The following DTNA variants were observed in gnomAD, a reference collection of about 807,000 sequenced individuals.
DTNA encodes the protein dystrophin-related protein 3.
A neutral mutation model predicts 100.7 loss-of-function variants in DTNA; 43 were observed. The observed-to-expected ratio is 0.43, with a 90% CI of 0.33 to 0.55. The LOEUF (loss-of-function observed/expected upper bound fraction) is 0.55, where lower values mean the gene tolerates loss of function less well. Ranked by LOEUF, DTNA falls within the 20% of genes least tolerant of loss-of-function variation. DTNA has a pLI of 0.04. For missense variants in DTNA, 798 were observed against 953.9 expected (o/e 0.84, Z 2.15); for synonymous variants, 349 against 347.9 (o/e 1.00, Z -0.04).
chr18:34,672,291 G>A (rs932511397), intron 1 of DTNA, among the ~76,000 whole-genome samples: 4 of 152,056 alleles, frequency 2.6e-5, no homozygotes, highest in Non-Finnish European at 5.9e-5. Context: ...AAGAAAACCT[G>A]AGATACTTAG....
At chr18:34,718,898 T>C (rs2084644931) in intron 1 of DTNA, among the ~76,000 whole-genome samples, 1 of 152,228 alleles carries the variant, frequency 6.6e-6, no homozygotes. Flanking sequence ...GAGAGTTCCA[T>C]GAGTTCTCGG....
At chr18:34,557,788 C>T (rs1211402125) in intron 1 of DTNA, among the ~76,000 whole-genome samples, 2 of 151,984 alleles carry the variant, frequency 1.3e-5, no homozygotes, top group Non-Finnish European at 2.9e-5. Flanking sequence ...CAGACAGGGA[C>T]ATTTAAGTCT....
At chr18:34,791,707 G>T (rs141555247) in intron 3 of DTNA, among the ~76,000 whole-genome samples, 2 of 152,224 alleles carry the variant, frequency 1.3e-5, no homozygotes, top group East Asian at 3.9e-4. Context: ...ATTTTAGTTG[G>T]TATGTGATTT....
chr18:34,890,698 G>C lies in DTNA; in HGVS notation c.*2964G>C, dbSNP rs2096960545. 1.8e-6 allele frequency: 1 copy of C among 565,958 alleles called. No homozygotes were observed. The highest frequency in any genetic ancestry group is 3.0e-6 in the Non-Finnish European group (1 of 330,036). 35.1% of individuals were successfully genotyped at this position (565,958 alleles called of 1,614,324 possible). A position where few individuals can be genotyped will look rare whatever the true frequency, so the allele number is the denominator to read the frequency against. On this transcript the variant is annotated 3_prime_UTR_variant, in exon 23 of 23. Transcript: ENST00000444659. ...CAGGACGGAAGTTGGGGTAAGTTTG[G>C]TTGGTCAGAGGGAGTTGTGCTGGAG...
chr18:34,786,150 G>T (rs976383958), intron 3 of DTNA, among the ~76,000 whole-genome samples: 1 of 152,274 alleles, frequency 6.6e-6, no homozygotes, highest in Admixed American at 6.5e-5. Flanking sequence ...GAGAGTTGTC[G>T]TAGGAACAAG....
intron 1 of DTNA, among the ~76,000 whole-genome samples, chr18:34,631,824 A>T (rs940192974): frequency 6.6e-6 from 1 of 152,174 alleles, no homozygotes; most frequent in Admixed American, 6.5e-5. Flanking sequence ...ATCACCCAAG[A>T]GTCACTGTGC....
chr18:34,655,401 A>G (rs1404421444), intron 1 of DTNA, among the ~76,000 whole-genome samples: 1 of 152,210 alleles, frequency 6.6e-6, no homozygotes, highest in Non-Finnish European at 1.5e-5. Flanking sequence ...AAAGATGCTA[A>G]GAATCCTACT....
intron 1 of DTNA, among the ~76,000 whole-genome samples, chr18:34,529,817 C>G (rs2042974413): frequency 6.6e-6 from 1 of 152,054 alleles, no homozygotes; most frequent in Non-Finnish European, 1.5e-5. Flanking sequence ...TCATGATTCT[C>G]TGGAAGTCTG....
At chr18:34,574,647 A>G (rs2047937135) in intron 1 of DTNA, 2 of 152,112 alleles carry the variant, frequency 1.3e-5, no homozygotes. Flanking sequence ...TATTATTATT[A>G]TTATTTTAAC....
At chr18:34,807,886 A>G (rs546182746) in intron 5 of DTNA, among the ~76,000 whole-genome samples, 170 of 151,144 alleles carry the variant, frequency 1.1e-3, no homozygotes, top group Non-Finnish European at 1.9e-3. Flanking sequence ...AAGAAAAAAA[A>G]AAAGCTTCAG....
chr18:34,871,987 A>G (rs1397165393), intron 17 of DTNA, among the ~76,000 whole-genome samples: 1 of 152,250 alleles, frequency 6.6e-6, no homozygotes, highest in Non-Finnish European at 1.5e-5. Context: ...AATTGCACCA[A>G]TTAGAGATTC....
intron 19 of DTNA, 55 bp downstream of exon 19, chr18:34,877,863 G>T: frequency 7.0e-7 from 1 of 1,424,690 alleles, no homozygotes; most frequent in South Asian, 1.2e-5. Flanking sequence ...ATCCATAAGT[G>T]CTAGGGGTCT....
At chr18:34,772,513 C>G (rs2093828949) in intron 3 of DTNA, among the ~76,000 whole-genome samples, 1 of 152,186 alleles carries the variant, frequency 6.6e-6, no homozygotes, top group East Asian at 1.9e-4. Context: ...ATATGCTCCA[C>G]TAGATTCATT....
intron 16 of DTNA, 65 bp from the exon 17 acceptor site, chr18:34,863,901 G>A (rs913045917): frequency 3.4e-6 from 5 of 1,491,238 alleles, no homozygotes; most frequent in South Asian, 2.4e-5. Flanking sequence ...AGTCCCTCAA[G>A]AATGGAAATG....
rs760642772 is a variant in DTNA, at chr18:34,888,679, A to G, written c.*945A>G. On this transcript the variant is annotated 3_prime_UTR_variant, in exon 23 of 23. Transcript: ENST00000444659. ...AAGCTGTTTATAAACCACAGGTGCC[A>G]TAAGATCCCCAAACGGACTAAAGTT... 16 of 985,776 alleles carry G rather than the reference A, an allele frequency of 1.6e-5. No homozygotes were observed. The highest frequency in any genetic ancestry group is 1.9e-5 in the Non-Finnish European group (16 of 829,954). 61.1% of individuals were successfully genotyped at this position (985,776 alleles called of 1,614,324 possible).
At chr18:34,584,610 G>A (rs868313308) in intron 1 of DTNA, among the ~76,000 whole-genome samples, 1 of 152,118 alleles carries the variant, frequency 6.6e-6, no homozygotes, top group African/African-American at 2.4e-5. Context: ...GTTAGTTTCA[G>A]AATAAAAGAA....
At chr18:34,795,614 C>A (rs982005128) in intron 4 of DTNA, among the ~76,000 whole-genome samples, 2 of 152,170 alleles carry the variant, frequency 1.3e-5, no homozygotes, top group Non-Finnish European at 2.9e-5. Flanking sequence ...AAGAGTGTGG[C>A]AGCTTTCAGA....
chr18:34,888,924 T>C lies in DTNA; in HGVS notation c.*1190T>C, dbSNP rs1277126262. The C allele has an allele frequency of 1.0e-6, 1 of 985,726 alleles. No individual in the cohort carries two copies. Among genetic ancestry groups the C allele is most frequent in the Non-Finnish European group, 1.2e-6 (1 of 829,954 alleles). 61.1% of individuals were successfully genotyped at this position (985,726 alleles called of 1,614,324 possible). A position where few individuals can be genotyped will look rare whatever the true frequency, so the allele number is the denominator to read the frequency against. On this transcript the variant is annotated 3_prime_UTR_variant, in exon 23 of 23. Transcript: ENST00000444659. Reference sequence around the variant, plus strand: ...GTGTTCTGCATGTAGCCTTCTGTGGTCATGTGAAAGGAGACAGGCTCTTCT... The same window carrying C: ...GTGTTCTGCATGTAGCCTTCTGTGGCCATGTGAAAGGAGACAGGCTCTTCT...
chr18:34,536,395 C>T (rs1005562522), intron 1 of DTNA, among the ~76,000 whole-genome samples: 3 of 151,756 alleles, frequency 2.0e-5, no homozygotes, highest in African/African-American at 7.3e-5. Flanking sequence ...AGATGATGAG[C>T]GTTCTAGGTT....
Sources: gnomAD v4.1 joint callset for allele counts (sites outside exome capture counted in the v4.1 genomes callset) on GRCh38, gnomAD v4.1.1 for gene constraint, MANE v1.5 for transcripts, NCBI Gene and HGNC (gene_info 2026-07-23, HGNC 2026-07-21) for gene names.